Variants in BBX observed in about 807,000 individuals in gnomAD.
The protein encoded by BBX is BBX high mobility group box domain containing.
BBX carries 30 observed loss-of-function variants against 100.2 expected under a neutral mutation model. The observed-to-expected ratio is 0.30, with a 90% confidence interval of 0.22 to 0.41. BBX has a LOEUF of 0.41. Among genes scored for constraint, BBX ranks in the 10% least tolerant of loss-of-function variants. The pLI is 1.00. For synonymous variants in BBX, 376 were observed against 388.1 expected (o/e 0.97, Z 0.37); for missense variants, 1,023 against 1,129.8 (o/e 0.91, Z 1.35).
At chr3:107,654,848 T>C (rs757937616) in intron 3 of BBX, among the ~76,000 whole-genome samples, 1 of 152,154 alleles carries the variant, frequency 6.6e-6, no homozygotes, top group East Asian at 1.9e-4. Flanking sequence ...ATACCTGCCA[T>C]GTAAAGTTGT....
chr3:107,551,076 CA>C (rs896676383), intron 2 of BBX, among the ~76,000 whole-genome samples: 19 of 151,074 alleles, frequency 1.3e-4, no homozygotes, highest in South Asian at 2.1e-4. Flanking sequence ...ATTATGAAGG[CA>C]AAAAAAATGT....
intron 10 of BBX, among the ~76,000 whole-genome samples, chr3:107,768,073 T>A (rs1050447047): frequency 2.0e-5 from 3 of 152,206 alleles, no homozygotes; most frequent in Admixed American, 6.5e-5. Context: ...CTTCTGTGGC[T>A]TTCTGCTGTC....
At position 107,687,469 on chromosome 3, in the gene BBX, C is replaced by A. The variant is rs532469187; in HGVS notation, c.-9-22983C>A. Among the ~76,000 whole-genome samples, 255 of 151,992 alleles carry A rather than the reference C, an allele frequency of 1.7e-3. 1 individual carries two copies. The highest frequency in any genetic ancestry group is 3.4e-3 in the Middle Eastern group (1 of 294). ...AGACAGAGAAGCGGGGAATGCAGGA[C>A]AGCCTGGCCCCTGCTGGAGATAAGG... On this transcript the variant is annotated intron_variant, in intron 3 of 17. Coordinates refer to ENST00000325805, the MANE Select transcript of BBX (RefSeq NM_001142568.3).
intron 2 of BBX, among the ~76,000 whole-genome samples, chr3:107,579,210 T>A (rs968797811): frequency 6.6e-6 from 1 of 152,236 alleles, no homozygotes; most frequent in African/African-American, 2.4e-5. Flanking sequence ...TAGGAGTTTT[T>A]CTTCAAAATC....
At chr3:107,654,905 G>T (rs565704948) in intron 3 of BBX, among the ~76,000 whole-genome samples, 185 of 152,296 alleles carry the variant, frequency 1.2e-3, no homozygotes, top group African/African-American at 4.3e-3. Context: ...CCAGCATATG[G>T]CAGGCACTAT....
At chr3:107,594,430 T>C (rs2053542723) in intron 2 of BBX, among the ~76,000 whole-genome samples, 2 of 152,194 alleles carry the variant, frequency 1.3e-5, no homozygotes, top group African/African-American at 2.4e-5. Context: ...GCCGCCCCTC[T>C]AGCCTAACTG....
At chr3:107,653,209 G>A (rs2057946834) in intron 3 of BBX, among the ~76,000 whole-genome samples, 2 of 152,132 alleles carry the variant, frequency 1.3e-5, no homozygotes, top group South Asian at 4.1e-4. Context: ...TGGGCTGAGA[G>A]CTTAAAATGC....
intron 4 of BBX, among the ~76,000 whole-genome samples, chr3:107,714,571 C>G (rs978013235): frequency 6.6e-6 from 1 of 151,792 alleles, no homozygotes; most frequent in Non-Finnish European, 1.5e-5. Flanking sequence ...TTTTTAGCTT[C>G]CTAGTTTCAG....
intron 2 of BBX, among the ~76,000 whole-genome samples, chr3:107,553,361 C>T (rs1300137107): frequency 1.3e-5 from 2 of 152,094 alleles, no homozygotes; most frequent in African/African-American, 4.8e-5. Context: ...AATATCTATC[C>T]ATGTAGCTAT....
At position 107,789,864 on chromosome 3, in the gene BBX, G is replaced by T. The variant is rs2068808858; in HGVS notation, c.2281G>T (p.Val761Phe). Reference protein sequence around the residue: ...KYKHKKEKPNVPEKGSGDKWS... With the variant: ...KYKHKKEKPNFPEKGSGDKWS... ...TAAGCACAAAAAGGAGAAGCCCAAT[G>T]TTCCGGAAAAAGGTATTGGTGCCCT... The change falls in exon 14 of 18, where the codon GTT becomes TTT. Residue 761 changes from valine to phenylalanine, a missense_variant. This residue lies in a region of BBX where 215 missense variants were observed against 211.3 expected (regional missense o/e 1.02). Transcript: ENST00000325805. 1 of 1,549,232 alleles carries T rather than the reference G, an allele frequency of 6.5e-7. No individual in the cohort carries two copies. The highest frequency in any genetic ancestry group is 8.7e-7 in the Non-Finnish European group (1 of 1,145,282).
intron 3 of BBX, among the ~76,000 whole-genome samples, chr3:107,673,000 CA>C (rs2059099067): frequency 6.6e-6 from 1 of 151,992 alleles, no homozygotes; most frequent in African/African-American, 2.4e-5. Flanking sequence ...GGACCTTGAG[CA>C]AATTTCTTAA....
intron 7 of BBX, among the ~76,000 whole-genome samples, chr3:107,743,918 G>GTTTTTTTTTTTTTT (rs34762783): frequency 1.8e-5 from 1 of 56,622 alleles, no homozygotes; most frequent in Non-Finnish European, 3.1e-5. Context: ...TGTTTTAGTG[G>GTTTTTTTTTTTTTT]TTTTTTTTTT....
chr3:107,787,007 T>G (rs900880863), intron 13 of BBX, among the ~76,000 whole-genome samples: 1 of 152,142 alleles, frequency 6.6e-6, no homozygotes, highest in Admixed American at 6.5e-5. Flanking sequence ...ATAAGATATA[T>G]AACAAATACG....
intron 2 of BBX, among the ~76,000 whole-genome samples, chr3:107,575,031 G>A (rs78591611): frequency 6.6e-6 from 1 of 152,124 alleles, no homozygotes; most frequent in South Asian, 2.1e-4. Flanking sequence ...CCCACAAAAA[G>A]GTGGCAATTA....
Position 107,805,576 on chromosome 3 carries a change from C to T in BBX, c.*119C>T. On this transcript the variant is annotated 3_prime_UTR_variant, in exon 18 of 18. Coordinates refer to ENST00000325805, the MANE Select transcript of BBX (RefSeq NM_001142568.3). ...AGACTGCAAACAAGTGCTTGTTGCC[C>T]CACACGGCCCAGATTCACTTGAAGC... The T allele has an allele frequency of 4.5e-6, 7 of 1,548,450 alleles. No homozygotes were observed. The highest frequency in any genetic ancestry group is 4.4e-6 in the Non-Finnish European group (5 of 1,139,842).
chr3:107,607,696 T>C (rs2054555392), intron 2 of BBX, among the ~76,000 whole-genome samples: 1 of 152,202 alleles, frequency 6.6e-6, no homozygotes, highest in Non-Finnish European at 1.5e-5. Flanking sequence ...AAGGGTTTCC[T>C]TTTCTCCGTA....
At position 107,810,514 on chromosome 3, in the gene BBX, T is replaced by C. The variant is rs1421116663; in HGVS notation, c.*5057T>C. ...TTCCACCCACAATGCAAATCTTACC[T>C]CACAAGCTCTAACCTAAATCACAGA... On this transcript the variant is annotated 3_prime_UTR_variant, in exon 18 of 18. Coordinates refer to ENST00000325805, the MANE Select transcript of BBX (RefSeq NM_001142568.3). 1 of 152,240 alleles carries C rather than the reference T, an allele frequency of 6.6e-6. No individual in the cohort carries two copies. The highest frequency in any genetic ancestry group is 1.5e-5 in the Non-Finnish European group (1 of 68,046). The allele number at this position is 152,240 out of a possible 1,614,324, so 9.4% of individuals were successfully genotyped here. A position where few individuals can be genotyped will look rare whatever the true frequency, so the allele number is the denominator to read the frequency against.
intron 7 of BBX, among the ~76,000 whole-genome samples, chr3:107,743,125 C>A (rs1371966131): frequency 1.3e-5 from 2 of 151,944 alleles, no homozygotes; most frequent in African/African-American, 4.8e-5. Context: ...TTATGCACAC[C>A]TGTTTTATTA....
intron 13 of BBX, among the ~76,000 whole-genome samples, chr3:107,784,016 T>G (rs778369971): frequency 3.3e-5 from 5 of 152,022 alleles, no homozygotes; most frequent in Non-Finnish European, 5.9e-5. Flanking sequence ...GCTCTTACTT[T>G]GTGATAAGCA....
Sources: allele counts gnomAD v4.1 joint callset (sites outside exome capture counted in the v4.1 genomes callset), GRCh38; gene constraint gnomAD v4.1.1; regional missense constraint gnomAD v4.1.1; transcripts MANE v1.5; gene names NCBI Gene and HGNC (gene_info 2026-07-23, HGNC 2026-07-21).